The following DNAH12 variants were observed in gnomAD, a reference collection of about 807,000 sequenced individuals.
DNAH12 encodes dynein axonemal heavy chain 12.
In DNAH12, 285 loss-of-function variants were observed where a neutral mutation model predicts 371.5. The observed-to-expected ratio is 0.77, with a 90% confidence interval of 0.70 to 0.85. The LOEUF is 0.85. Ranked by LOEUF, DNAH12 falls within the 40% of genes least tolerant of loss-of-function variation. DNAH12 has a pLI of 0.00. For synonymous variants in DNAH12, 1,200 were observed against 1,213.0 expected, an observed-to-expected ratio of 0.99 and a Z score of 0.22; for missense variants, 3,611 against 3,689.4, an observed-to-expected ratio of 0.98 and a Z score of 0.55.
At chr3:57,314,467 T>A (rs1283000065) in intron 66 of DNAH12, 27 bp downstream of exon 66, 1 of 1,550,620 alleles carries the variant, frequency 6.4e-7, no homozygotes, top group South Asian at 1.2e-5. Context: ...TGATCCTTCA[T>A]GAATGTTAAT....
At chr3:57,312,104 C>G (rs2061595317) in intron 66 of DNAH12, among the ~76,000 whole-genome samples, 1 of 152,020 alleles carries the variant, frequency 6.6e-6, no homozygotes, top group Admixed American at 6.6e-5. Context: ...TTTCCTGCCC[C>G]TGAAGTTTAC....
At chr3:57,341,520 C>T (rs967566737) in intron 60 of DNAH12, among the ~76,000 whole-genome samples, 3 of 151,502 alleles carry the variant, frequency 2.0e-5, no homozygotes, top group Admixed American at 2.0e-4. Flanking sequence ...AATAAAATAC[C>T]TAGGAATAAA....
intron 37 of DNAH12, among the ~76,000 whole-genome samples, chr3:57,415,844 A>G (rs1332741659): frequency 6.9e-6 from 1 of 145,026 alleles, no homozygotes; most frequent in Non-Finnish European, 1.5e-5. Context: ...GCTGGAGGGC[A>G]GTGACGTGAT....
intron 2 of DNAH12, among the ~76,000 whole-genome samples, chr3:57,527,682 T>C (rs927555159): frequency 1.3e-5 from 2 of 152,166 alleles, no homozygotes; most frequent in African/African-American, 4.8e-5. Flanking sequence ...AGGCCTCACC[T>C]CCAATACTGA....
chr3:57,385,254 T>TAGC (rs2063478284), intron 48 of DNAH12, 95 bp downstream of exon 48: 1 of 152,208 alleles, frequency 6.6e-6, no homozygotes, highest in Admixed American at 6.5e-5. Context: ...GTAAAGTCTC[T>TAGC]AAAGTCTAGT....
intron 9 of DNAH12, 151 bp downstream of exon 9, chr3:57,503,865 G>T (rs1184585158): frequency 3.1e-6 from 2 of 638,822 alleles, no homozygotes; most frequent in East Asian, 2.8e-5. Context: ...GCCTTCAAGC[G>T]ACTTTTTCAA....
chr3:57,545,035 T>C (rs2069456766), upstream of DNAH12, among the ~76,000 whole-genome samples: 1 of 151,908 alleles, frequency 6.6e-6, no homozygotes, highest in African/African-American at 2.4e-5. Context: ...CACTATTGTG[T>C]CTGGCACAGA....
intron 9 of DNAH12, among the ~76,000 whole-genome samples, chr3:57,502,794 C>T (rs1220091295): frequency 6.6e-6 from 1 of 152,174 alleles, no homozygotes; most frequent in Non-Finnish European, 1.5e-5. Flanking sequence ...ATCCGCCCAC[C>T]TCAGCCTCCC....
intron 11 of DNAH12, 32 bp from the exon 12 acceptor site, chr3:57,489,719 AT>A (rs1294208518): frequency 1.4e-5 from 21 of 1,461,304 alleles, no homozygotes; most frequent in South Asian, 2.8e-5. Context: ...GAAAAAAAAA[AT>A]GTTTAGAACT....
chr3:57,380,615 TCACCA>T (rs2063369181), intron 50 of DNAH12, among the ~76,000 whole-genome samples: 1 of 152,096 alleles, frequency 6.6e-6, no homozygotes, highest in Admixed American at 6.6e-5. Context: ...CAGGCTTCTG[TCACCA>T]CACCTGGTTA....
At chr3:57,308,055 C>G (rs865852370) in intron 69 of DNAH12, among the ~76,000 whole-genome samples, 1 of 152,184 alleles carries the variant, frequency 6.6e-6, no homozygotes, top group Non-Finnish European at 1.5e-5. Context: ...CCTCCCTTCC[C>G]TACACATCAA....
chr3:57,536,353 G>A (rs1414731284), intron 2 of DNAH12: 1 of 152,094 alleles, frequency 6.6e-6, no homozygotes, highest in Admixed American at 6.6e-5. Context: ...CTGCCAAAGT[G>A]AGCACTCAAA....
At position 57,334,705 on chromosome 3, in the gene DNAH12, C is replaced by T. The variant is rs888507478; in HGVS notation, c.9833+77G>A. ...TAGAAACCAGACAGCTATTTAAAACCATTTAAAAATCACTAAATTGAAGAA... is the reference window on the plus strand; with the variant it reads ...TAGAAACCAGACAGCTATTTAAAACTATTTAAAAATCACTAAATTGAAGAA... On this transcript the variant is annotated intron_variant, in intron 61 of 73. Transcript: ENST00000495027. 6.7e-6 allele frequency: 10 copies of T among 1,503,670 alleles called. No individual in the cohort carries two copies. In the African/African-American group the frequency reaches 1.4e-4, roughly 21 times the overall value. 93.1% of individuals were successfully genotyped at this position (1,503,670 alleles called of 1,614,324 possible).
At chr3:57,525,756 CTTTTTTTTTTT>C (rs776184662) in intron 2 of DNAH12, among the ~76,000 whole-genome samples, 2 of 76,272 alleles carry the variant, frequency 2.6e-5, no homozygotes, top group Non-Finnish European at 4.5e-5. Context: ...ATGTCTTATT[CTTTTTTTTTTT>C]TTTTTTTTTT....
chr3:57,441,207 A>C (rs1455585270), intron 29 of DNAH12, among the ~76,000 whole-genome samples: 3 of 152,178 alleles, frequency 2.0e-5, no homozygotes, highest in Non-Finnish European at 2.9e-5. Context: ...AGAAAAGAGA[A>C]CTCTCTAAAA....
intron 13 of DNAH12, among the ~76,000 whole-genome samples, chr3:57,480,299 G>A (rs62258434): frequency 2.0e-5 from 3 of 152,080 alleles, no homozygotes; most frequent in Non-Finnish European, 2.9e-5. Flanking sequence ...ACACCTCTAC[G>A]CAAATAAACT....
rs1363518381 is a variant in DNAH12, at chr3:57,479,483, A to C, written c.1650+3893T>G. ...ACACAATAATAATGGGAGACTTTAA[A>C]ACCCCACTGTCAACATTAGACAGAT... On this transcript the variant is annotated intron_variant, in intron 13 of 73. Coordinates refer to ENST00000495027, the MANE Select transcript of DNAH12 (RefSeq NM_001366028.2). Among the ~76,000 whole-genome samples the C allele has an allele frequency of 4.6e-5, 7 of 152,102 alleles. No homozygotes were observed. The East Asian group carries it at 5.8e-4, about 13-fold the overall frequency.
At chr3:57,409,614 T>G (rs782521943) in intron 39 of DNAH12, among the ~76,000 whole-genome samples, 41 of 152,048 alleles carry the variant, frequency 2.7e-4, no homozygotes, top group Non-Finnish European at 5.7e-4. Flanking sequence ...AGAGTGACTA[T>G]CTTCTGAGAT....
chr3:57,453,305 C>A lies in DNAH12; in HGVS notation c.3555G>T (p.Gly1185=), dbSNP rs1186118886. Residue 1185 remains glycine (G), a synonymous_variant, in exon 24 of 74, where the codon GGG becomes GGT. Transcript: ENST00000495027. ...KLSKQTRTTL[G]ALVTIDVHAR... is the part of the protein sequence containing the mutation. ...CATGGACATCAATAGTAACCAAAGC[C>A]CCCAGAGTGGTCCTGGTCTGCTTAG... 2 of 1,550,990 alleles carry A rather than the reference C, an allele frequency of 1.3e-6. No individual in the cohort carries two copies. Among genetic ancestry groups the A allele is most frequent in the East Asian group, 2.4e-5 (1 of 40,876 alleles).
Sources: gnomAD v4.1 joint callset for allele counts (sites outside exome capture counted in the v4.1 genomes callset) on GRCh38, gnomAD v4.1.1 for gene constraint, MANE v1.5 for transcripts, NCBI Gene and HGNC (gene_info 2026-07-23, HGNC 2026-07-21) for gene names.